Variants in MOBP observed in about 807,000 individuals in gnomAD.
The protein encoded by MOBP is myelin-associated oligodendrocyte basic protein.
In MOBP, 5 loss-of-function variants were observed where a neutral mutation model predicts 15.0. The observed-to-expected ratio is 0.33, with a 90% confidence interval of 0.17 to 0.70. The LOEUF (loss-of-function observed/expected upper bound fraction) is 0.70. Ranked by LOEUF, MOBP falls within the 30% of genes least tolerant of loss-of-function variation. The probability of loss-of-function intolerance (pLI) is 0.67; values close to 1 mark genes in which losing one functional copy is unlikely to be tolerated. For missense variants in MOBP, 188 were observed against 257.8 expected, an observed-to-expected ratio of 0.73 and a Z score of 1.85; for synonymous variants, 88 against 99.0, an observed-to-expected ratio of 0.89 and a Z score of 0.66.
intron 2 of MOBP, among the ~76,000 whole-genome samples, chr3:39,498,688 ATGGCG>A (rs1437369791): frequency 3.9e-5 from 6 of 152,198 alleles, no homozygotes; most frequent in Admixed American, 2.6e-4. Flanking sequence ...TGTGTTAGGA[ATGGCG>A]AGGTTCTTCC....
chr3:39,491,329 G>C (rs2042792055), intron 2 of MOBP, among the ~76,000 whole-genome samples: 1 of 151,844 alleles, frequency 6.6e-6, no homozygotes, highest in Non-Finnish European at 1.5e-5. Flanking sequence ...ATCTTCTCTG[G>C]GCCTCAGTTT....
chr3:39,475,441 A>G (rs2042532254), intron 1 of MOBP, among the ~76,000 whole-genome samples: 1 of 152,136 alleles, frequency 6.6e-6, no homozygotes, highest in Non-Finnish European at 1.5e-5. Context: ...TTACACTTTC[A>G]CCTACTAATT....
At chr3:39,487,722 C>T (rs368402836) in intron 2 of MOBP, among the ~76,000 whole-genome samples, 9 of 151,730 alleles carry the variant, frequency 5.9e-5, no homozygotes, top group African/African-American at 2.2e-4. Context: ...ACAGGTTTCA[C>T]CGTGTTAGTC....
intron 3 of MOBP, among the ~76,000 whole-genome samples, chr3:39,521,483 T>C (rs1459145922): frequency 2.6e-5 from 4 of 152,202 alleles, no homozygotes; most frequent in Non-Finnish European, 5.9e-5. Context: ...CAACTTTTGC[T>C]CTTCACTCTT....
chr3:39,484,862 T>C (rs150642739), intron 2 of MOBP, among the ~76,000 whole-genome samples: 2 of 152,346 alleles, frequency 1.3e-5, no homozygotes, highest in Non-Finnish European at 1.5e-5. Context: ...TGCACAACTT[T>C]ATGAGATAGT....
intron 1 of MOBP, among the ~76,000 whole-genome samples, chr3:39,473,707 G>A (rs981375556): frequency 3.3e-5 from 5 of 152,154 alleles, no homozygotes; most frequent in African/African-American, 4.8e-5. Context: ...GAGGGGCAGC[G>A]TCTCCAGGGT....
intron 4 of MOBP, among the ~76,000 whole-genome samples, chr3:39,512,185 T>A (rs1296801252): frequency 6.6e-6 from 1 of 152,218 alleles, no homozygotes; most frequent in Non-Finnish European, 1.5e-5. Context: ...TCAATGTGGC[T>A]GCTATTGCTA....
intron 2 of MOBP, among the ~76,000 whole-genome samples, chr3:39,485,949 A>G (rs906372709): frequency 1.3e-5 from 2 of 151,336 alleles, no homozygotes; most frequent in African/African-American, 4.9e-5. Context: ...TTTTAAAAAA[A>G]TGTATAGTTT....
At chr3:39,490,644 C>T (rs2042781259) in intron 2 of MOBP, among the ~76,000 whole-genome samples, 1 of 152,136 alleles carries the variant, frequency 6.6e-6, no homozygotes. Context: ...CTCACTGCAA[C>T]CTTCACCTCC....
intron 4 of MOBP, among the ~76,000 whole-genome samples, chr3:39,511,083 G>A (rs1418512235): frequency 1.3e-5 from 2 of 152,182 alleles, no homozygotes; most frequent in African/African-American, 4.8e-5. Context: ...AAAAATCACA[G>A]AGGTCCTAAA....
At chr3:39,471,366 T>A (rs1310843265) in intron 1 of MOBP, among the ~76,000 whole-genome samples, 2 of 152,118 alleles carry the variant, frequency 1.3e-5, no homozygotes, top group Non-Finnish European at 2.9e-5. Context: ...CCTGACCTCG[T>A]GATCTGCCTG....
intron 3 of MOBP, among the ~76,000 whole-genome samples, chr3:39,521,874 G>A (rs12490768): frequency 0.6 from 91,901 of 152,114 alleles, 32,069 homozygotes; most frequent in Non-Finnish European, 0.77. Context: ...CACCCACATG[G>A]GGCTTGATAC....
In MOBP at chr3:39,502,915, GT is replaced by G; in HGVS notation, c.*37del. On this transcript the variant is annotated 3_prime_UTR_variant, in exon 4 of 4. Coordinates refer to ENST00000684792, the MANE Select transcript of MOBP (RefSeq NM_001393704.1). The surrounding 1 kb of genome is among the most constrained non-coding windows in gnomAD (Gnocchi z 6.3). ...TTCCCTTTTGTTCCCCAGCCCTAAG[GT>G]TAGTAGTTGCTTCCTGTGTTTACTA... The G allele has an allele frequency of 1.0e-6, 1 of 952,958 alleles. No individual in the cohort carries two copies. Among genetic ancestry groups the G allele is most frequent in the Non-Finnish European group, 1.5e-6 (1 of 654,836 alleles). The allele number at this position is 952,958 out of a possible 1,614,324, so 59.0% of individuals were successfully genotyped here.
At chr3:39,487,200 C>T (rs542882445) in intron 2 of MOBP, among the ~76,000 whole-genome samples, 2 of 152,058 alleles carry the variant, frequency 1.3e-5, no homozygotes, top group South Asian at 4.2e-4. Flanking sequence ...GCCTCAGCCT[C>T]CCAAAATACT....
chr3:39,496,529 C>T (rs1471569269), intron 2 of MOBP, among the ~76,000 whole-genome samples: 11 of 135,022 alleles, frequency 8.1e-5, no homozygotes, highest in South Asian at 2.4e-4. Flanking sequence ...GACAGAGTCT[C>T]GCTGTGTTGC....
intron 2 of MOBP, among the ~76,000 whole-genome samples, chr3:39,493,944 C>A (rs1425226487): frequency 1.3e-5 from 2 of 152,296 alleles, no homozygotes; most frequent in Middle Eastern, 6.8e-3. Context: ...GGGCTGGATG[C>A]ACTTACCAGA....
intron 1 of MOBP, among the ~76,000 whole-genome samples, chr3:39,479,386 A>G (rs1179298777): frequency 3.4e-5 from 5 of 149,134 alleles, no homozygotes; most frequent in Admixed American, 2.0e-4. Flanking sequence ...TTATAATCTT[A>G]TAAGACCTTT....
intron 1 of MOBP, among the ~76,000 whole-genome samples, chr3:39,476,429 C>T (rs2042546807): frequency 6.6e-6 from 1 of 152,166 alleles, no homozygotes; most frequent in Non-Finnish European, 1.5e-5. Flanking sequence ...TATGCACACA[C>T]CTATGTTTAT....
chr3:39,489,985 AG>A (rs2042772485), intron 2 of MOBP, among the ~76,000 whole-genome samples: 1 of 152,244 alleles, frequency 6.6e-6, no homozygotes, highest in African/African-American at 2.4e-5. Context: ...ATATTTCTGT[AG>A]TTAGCTAATT....
Sources: gnomAD v4.1 joint callset for allele counts (sites outside exome capture counted in the v4.1 genomes callset) on GRCh38, gnomAD v4.1.1 for gene constraint, Gnocchi (gnomAD v3.1) non-coding constraint, MANE v1.5 for transcripts, NCBI Gene and HGNC (gene_info 2026-07-23, HGNC 2026-07-21) for gene names.